RAMP1: variants seen among roughly 807,000 people sequenced by gnomAD.
The protein encoded by RAMP1 is receptor activity-modifying protein 1.
Under a neutral mutation model 8.2 loss-of-function variants are expected in RAMP1, and 7 were observed. That is an observed-to-expected ratio of 0.85 (90% CI 0.49 to 1.60). The LOEUF is 1.60. RAMP1 is among the 40% of genes most tolerant of loss of function. The probability of loss-of-function intolerance (pLI) is 0.00; values close to 1 mark genes in which losing one functional copy is unlikely to be tolerated. For missense variants in RAMP1, 192 were observed against 202.4 expected, an observed-to-expected ratio of 0.95 and a Z score of 0.31; for synonymous variants, 92 against 84.7, an observed-to-expected ratio of 1.09 and a Z score of -0.47.
intron 1 of RAMP1, among the ~76,000 whole-genome samples, chr2:237,869,153 C>A (rs1226101006): frequency 6.6e-6 from 1 of 152,178 alleles, no homozygotes; most frequent in African/African-American, 2.4e-5. Flanking sequence ...TCCCTGGGCA[C>A]GTGTTGCTGC....
chr2:237,883,139 T>G (rs1273279830), intron 2 of RAMP1, among the ~76,000 whole-genome samples: 1 of 152,156 alleles, frequency 6.6e-6, no homozygotes, highest in Non-Finnish European at 1.5e-5. Flanking sequence ...CAGGGGATTC[T>G]GAAGGCAGGA....
rs1255267460 is a variant in RAMP1 at position 237,859,709 on chromosome 2, G to GGCCTC, written c.35_39dup (p.Trp14AlafsTer12). The GGCCTC allele has an allele frequency of 2.0e-6, 3 of 1,512,636 alleles. No homozygotes were observed. Among genetic ancestry groups the GGCCTC allele is most frequent in the Non-Finnish European group, 1.8e-6 (2 of 1,131,226 alleles). 93.7% of individuals were successfully genotyped at this position (1,512,636 alleles called of 1,614,324 possible). On this transcript the variant is annotated frameshift_variant, in exon 1 of 3. Coordinates refer to ENST00000254661, the MANE Select transcript of RAMP1 (RefSeq NM_005855.4). LOFTEE classifies it high-confidence loss of function. Reference sequence around the variant, plus strand: ...GGCCCTGTGCCGCCTCCCGCGGCGCGGCCTCTGGCTGCTCCTGGGTGAGTA... The same window carrying GGCCTC: ...GGCCCTGTGCCGCCTCCCGCGGCGCGGCCTCGCCTCTGGCTGCTCCTGGGTGAGTA...
intron 1 of RAMP1, among the ~76,000 whole-genome samples, chr2:237,867,716 T>C (rs2062203654): frequency 6.6e-6 from 1 of 152,210 alleles, no homozygotes; most frequent in Non-Finnish European, 1.5e-5. Context: ...CTCATTCCTG[T>C]GCAGCCTTTC....
At chr2:237,902,402 G>A (rs1273879313) in intron 2 of RAMP1, among the ~76,000 whole-genome samples, 1 of 150,426 alleles carries the variant, frequency 6.6e-6, no homozygotes, top group African/African-American at 2.4e-5. Context: ...GAAGAGGAGG[G>A]GCCAGAAGGA....
At chr2:237,869,275 C>T (rs550780004) in intron 1 of RAMP1, among the ~76,000 whole-genome samples, 68 of 152,288 alleles carry the variant, frequency 4.5e-4, no homozygotes, top group Middle Eastern at 3.4e-3. Context: ...ATTTTAATTG[C>T]GGTAAAGTAT....
At chr2:237,889,361 G>A (rs1283637573) in intron 2 of RAMP1, among the ~76,000 whole-genome samples, 2 of 152,206 alleles carry the variant, frequency 1.3e-5, no homozygotes, top group Non-Finnish European at 1.5e-5. Flanking sequence ...TCTTAACACA[G>A]TGGATGGACA....
At chr2:237,911,426 T>G in intron 2 of RAMP1, 102 bp from the exon 3 acceptor site, 1 of 1,492,682 alleles carries the variant, frequency 6.7e-7, no homozygotes, top group South Asian at 1.3e-5. Flanking sequence ...CGAGCCAAGC[T>G]TCAGGGCTGC....
In RAMP1 at chr2:237,877,380, T is replaced by C. The variant is rs2062318521; in HGVS notation, c.191+18T>C. On this transcript the variant is annotated intron_variant, in intron 2 of 2. Transcript: ENST00000254661. This position sits in a 1 kb window ranked among gnomAD's most constrained non-coding sequence, Gnocchi z 4.4. ...ACCATCAGGTGAGTCCCATGGCCCC[T>C]GGTGGGCAGGACACGGTTGGGGAGG... 6.2e-7 allele frequency: 1 copy of C among 1,605,618 alleles called. No homozygotes were observed. The highest frequency in any genetic ancestry group is 1.3e-5 in the African/African-American group (1 of 74,916).
chr2:237,872,745 G>T (rs2062259519), intron 1 of RAMP1, among the ~76,000 whole-genome samples: 1 of 152,234 alleles, frequency 6.6e-6, no homozygotes, highest in Admixed American at 6.5e-5. Flanking sequence ...GGCTAATGGT[G>T]GCCAGGCACT....
intron 2 of RAMP1, among the ~76,000 whole-genome samples, chr2:237,888,768 C>CT (rs775059066): frequency 6.7e-4 from 102 of 151,884 alleles, no homozygotes; most frequent in Non-Finnish European, 8.5e-4. Flanking sequence ...TTTACAAATT[C>CT]TTTTTTTTGT....
intron 2 of RAMP1, among the ~76,000 whole-genome samples, chr2:237,906,154 C>T (rs1045393699): frequency 7.2e-5 from 11 of 152,162 alleles, no homozygotes; most frequent in African/African-American, 1.7e-4. Context: ...TTTTCCCCCA[C>T]GATGAGACTC....
intron 2 of RAMP1, among the ~76,000 whole-genome samples, chr2:237,906,227 G>C (rs2062649670): frequency 6.6e-6 from 1 of 152,046 alleles, no homozygotes; most frequent in Non-Finnish European, 1.5e-5. Context: ...ATGAGTCCTT[G>C]TTCACCTGGA....
chr2:237,886,940 C>T (rs2062440051), intron 2 of RAMP1, among the ~76,000 whole-genome samples: 1 of 152,200 alleles, frequency 6.6e-6, no homozygotes, highest in Non-Finnish European at 1.5e-5. Flanking sequence ...CCCCTGTGGA[C>T]ACTCGACTAC....
At chr2:237,891,187 T>G (rs1261391897) in intron 2 of RAMP1, among the ~76,000 whole-genome samples, 5 of 81,660 alleles carry the variant, frequency 6.1e-5, no homozygotes, top group African/African-American at 3.2e-4. Context: ...TCTCACTCTG[T>G]CACCCAGAGT....
intron 2 of RAMP1, among the ~76,000 whole-genome samples, chr2:237,883,594 T>C (rs2062395454): frequency 6.6e-6 from 1 of 152,150 alleles, no homozygotes; most frequent in South Asian, 2.1e-4. Context: ...GGCAGAAGAA[T>C]TACTTAAGCC....
chr2:237,859,792 G>A, intron 1 of RAMP1, 65 bp downstream of exon 1: 2 of 1,323,826 alleles, frequency 1.5e-6, no homozygotes, highest in Non-Finnish European at 2.0e-6. Context: ...CTCTAGGGGA[G>A]AGGAGGGGAG....
chr2:237,891,279 T>C, intron 2 of RAMP1, among the ~76,000 whole-genome samples: 1 of 151,900 alleles, frequency 6.6e-6, no homozygotes, highest in Non-Finnish European at 1.5e-5. Context: ...GACTCCTGAG[T>C]AGCTGGGACT....
At chr2:237,908,108 G>A (rs1190802857) in intron 2 of RAMP1, among the ~76,000 whole-genome samples, 1 of 152,242 alleles carries the variant, frequency 6.6e-6, no homozygotes, top group African/African-American at 2.4e-5. Flanking sequence ...TGGGACTAGG[G>A]CACTGGAGGA....
At position 237,877,179 on chromosome 2, in the gene RAMP1, C is replaced by T; in HGVS notation, c.53-45C>T. 1 of 1,611,474 alleles carries T rather than the reference C, an allele frequency of 6.2e-7. No homozygotes were observed. Among genetic ancestry groups the T allele is most frequent in the Non-Finnish European group, 8.5e-7 (1 of 1,179,786 alleles). ...GCGGGCTGGCGGTGATACCCCTAGGCCTCTGCTGCCGCCCGCCATCTCTTC... is the reference window on the plus strand; with the variant it reads ...GCGGGCTGGCGGTGATACCCCTAGGTCTCTGCTGCCGCCCGCCATCTCTTC... On this transcript the variant is annotated intron_variant, in intron 1 of 2. Coordinates refer to ENST00000254661, the MANE Select transcript of RAMP1 (RefSeq NM_005855.4). The surrounding 1 kb of genome is among the most constrained non-coding windows in gnomAD (Gnocchi z 4.4).
Sources: allele counts gnomAD v4.1 joint callset (sites outside exome capture counted in the v4.1 genomes callset), GRCh38; gene constraint gnomAD v4.1.1; non-coding constraint Gnocchi (gnomAD v3.1); transcripts MANE v1.5; gene names NCBI Gene and HGNC (gene_info 2026-07-23, HGNC 2026-07-21).